The following MTCL1 variants were observed in gnomAD, a reference collection of about 807,000 sequenced individuals.
MTCL1 encodes the protein microtubule cross-linking factor 1.
MTCL1 carries 79 observed loss-of-function variants against 141.4 expected under a neutral mutation model. That is an observed-to-expected ratio of 0.56 (90% CI 0.47 to 0.67). The LOEUF is 0.67. MTCL1 is among the 30% of genes least tolerant of loss of function. The probability of loss-of-function intolerance (pLI) is 0.00; values close to 1 mark genes in which losing one functional copy is unlikely to be tolerated. For synonymous variants in MTCL1, 914 were observed against 875.8 expected (o/e 1.04, Z -0.77); for missense variants, 2,177 against 2,113.9 (o/e 1.03, Z -0.59).
exon 15 of MTCL1, chr18:8,824,813 G>A: frequency 1.2e-6 from 2 of 1,614,154 alleles, no homozygotes; most frequent in Non-Finnish European, 1.7e-6. Context: ...CCCCACCCCT[G>A]TCTCCAGACG....
chr18:8,706,809 C>G, intron 1 of MTCL1, 96 bp downstream of exon 1: 1 of 1,503,328 alleles, frequency 6.7e-7, no homozygotes, highest in Non-Finnish European at 8.8e-7. Flanking sequence ...GCCTGTCCAG[C>G]GCCTTCTCCC....
chr18:8,732,279 T>G (rs2096254613), intron 4 of MTCL1, among the ~76,000 whole-genome samples: 1 of 151,952 alleles, frequency 6.6e-6, no homozygotes, highest in African/African-American at 2.4e-5. Context: ...ATTTATTTAT[T>G]TATTTATTTT....
intron 7 of MTCL1, 112 bp from the exon 7 acceptor site, chr18:8,792,886 A>T: frequency 6.9e-7 from 1 of 1,445,200 alleles, no homozygotes. Context: ...GTGCCCACAC[A>T]TGCTGTGTCG....
At chr18:8,713,211 T>G (rs1435787712), upstream of MTCL1, among the ~76,000 whole-genome samples, 1 of 152,190 alleles carries the variant, frequency 6.6e-6, no homozygotes, top group Non-Finnish European at 1.5e-5. Flanking sequence ...TACTTCAAGA[T>G]TTCGTTTTAT....
intron 11 of MTCL1, chr18:8,811,104 TAAC>T (rs1188712323): frequency 1.3e-5 from 2 of 152,240 alleles, no homozygotes; most frequent in African/African-American, 4.8e-5. Flanking sequence ...GTGATTTATT[TAAC>T]AACAAGGTTT....
exon 6 of MTCL1, chr18:8,784,454 C>T (rs150163593): frequency 6.7e-5 from 103 of 1,538,862 alleles, no homozygotes; most frequent in Admixed American, 1.6e-4. Context: ...CCTGAAGGCC[C>T]GGGAGGACTC....
intron 4 of MTCL1, among the ~76,000 whole-genome samples, chr18:8,773,900 C>T (rs572800847): frequency 8.9e-4 from 135 of 152,240 alleles, no homozygotes; most frequent in Admixed American, 1.5e-3. Flanking sequence ...AGCACCGAAC[C>T]ATTGTATTGA....
chr18:8,799,961 C>T (rs963335188), intron 10 of MTCL1, among the ~76,000 whole-genome samples: 2 of 152,220 alleles, frequency 1.3e-5, no homozygotes, highest in African/African-American at 4.8e-5. Flanking sequence ...GCTTCCACTG[C>T]GGGCCATGTG....
At chr18:8,748,074 C>T (rs965167096) in intron 4 of MTCL1, among the ~76,000 whole-genome samples, 2 of 152,204 alleles carry the variant, frequency 1.3e-5, no homozygotes, top group Middle Eastern at 3.4e-3. Flanking sequence ...TGCTTGTGGC[C>T]GCCTCACTTG....
chr18:8,797,140 A>G (rs1462704740), intron 9 of MTCL1, among the ~76,000 whole-genome samples: 1 of 152,206 alleles, frequency 6.6e-6, no homozygotes, highest in Non-Finnish European at 1.5e-5. Flanking sequence ...TATAAAATTC[A>G]TTGACGTTAT....
intron 10 of MTCL1, chr18:8,801,573 A>C (rs1423836963): frequency 6.6e-6 from 1 of 152,200 alleles, no homozygotes; most frequent in East Asian, 1.9e-4. Flanking sequence ...TCACATGTGC[A>C]GATGGGTGCT....
intron 4 of MTCL1, among the ~76,000 whole-genome samples, chr18:8,765,507 C>A: frequency 6.6e-6 from 1 of 152,222 alleles, no homozygotes; most frequent in East Asian, 1.9e-4. Flanking sequence ...AGTCCTTGGG[C>A]AAGTCACTTA....
At position 8,797,602 on chromosome 18, in the gene MTCL1, G is replaced by A. The variant is rs62086597; in HGVS notation, c.2242-495G>A. ...TTAGCTCCCAAAGACCTTTTGTCTG[G>A]TTTTCACTCTAGGGAACAGTGTATG... On this transcript the variant is annotated intron_variant, in intron 9 of 16. Coordinates refer to ENST00000359865, the Ensembl canonical transcript of MTCL1. 5.3e-3 allele frequency among the ~76,000 whole-genome samples: 813 copies of A among 152,316 alleles called. 1 individual carries two copies. The highest frequency in any genetic ancestry group is 0.01 in the Middle Eastern group (3 of 294).
chr18:8,789,653 T>C, intron 7 of MTCL1: 2 of 985,186 alleles, frequency 2.0e-6, no homozygotes, highest in Non-Finnish European at 2.4e-6. Flanking sequence ...CAAGTGAGGG[T>C]GGTGGTGGTT....
At chr18:8,736,611 A>G (rs182357929) in intron 4 of MTCL1, among the ~76,000 whole-genome samples, 17 of 151,150 alleles carry the variant, frequency 1.1e-4, no homozygotes, top group Admixed American at 1.1e-3. Flanking sequence ...ACCATCATAC[A>G]TTGGGGGCCT....
At position 8,818,255 on chromosome 18, in the gene MTCL1, T is replaced by C. The variant is rs1013226022; in HGVS notation, c.2860-708T>C. Among the ~76,000 whole-genome samples the C allele has an allele frequency of 4.6e-5, 7 of 151,706 alleles. No individual in the cohort carries two copies. The East Asian group carries it at 9.7e-4, about 21-fold the overall frequency. On this transcript the variant is annotated intron_variant, in intron 12 of 16. Coordinates refer to ENST00000359865, the Ensembl canonical transcript of MTCL1. The stretch of plus-strand genomic sequence containing the variant: ...CACGTTAATGGTTCCAACTCAGGTC[T>C]TCTAACTCCAGGTGGCCCTGTGCTT...
intron 4 of MTCL1, among the ~76,000 whole-genome samples, chr18:8,722,572 G>A (rs932610814): frequency 6.6e-6 from 1 of 152,042 alleles, no homozygotes; most frequent in African/African-American, 2.4e-5. Flanking sequence ...AAAATAAAAT[G>A]TTGTTAAAAT....
At chr18:8,806,816 T>C (rs2076314390) in intron 10 of MTCL1, 77 bp from the exon 10 acceptor site, 1 of 1,502,736 alleles carries the variant, frequency 6.7e-7, no homozygotes, top group Non-Finnish European at 9.0e-7. Context: ...ACTACCTTGA[T>C]AGCCAGATCC....
intron 1 of MTCL1, 97 bp downstream of exon 1, chr18:8,706,810 G>A (rs12967035): frequency 0.44 from 666,861 of 1,502,492 alleles, 149,364 homozygotes; most frequent in African/African-American, 0.48. Context: ...CCTGTCCAGC[G>A]CCTTCTCCCT....
Sources: gnomAD v4.1 joint callset for allele counts (sites outside exome capture counted in the v4.1 genomes callset) on GRCh38, gnomAD v4.1.1 for gene constraint, MANE v1.5 for transcripts, NCBI Gene and HGNC (gene_info 2026-07-23, HGNC 2026-07-21) for gene names.